Variants in CMKLR2 observed in about 807,000 individuals in gnomAD.
The protein encoded by CMKLR2 is chemerin chemokine-like receptor 2, also known as chemerin-like receptor 2.
In CMKLR2, 18 loss-of-function variants were observed where a neutral mutation model predicts 23.0. The observed-to-expected ratio is 0.78, with a 90% confidence interval of 0.54 to 1.16. The LOEUF is 1.16. CMKLR2 is among the 50% of genes most tolerant of loss of function. The probability of loss-of-function intolerance (pLI) is 0.00; values close to 1 mark genes in which losing one functional copy is unlikely to be tolerated. For missense variants in CMKLR2, 401 were observed against 412.7 expected, an observed-to-expected ratio of 0.97 and a Z score of 0.25; for synonymous variants, 158 against 158.9, an observed-to-expected ratio of 0.99 and a Z score of 0.05.
Position 206,213,157 on chromosome 2 carries a change from A to T in CMKLR2, c.-29+150T>A, listed in dbSNP as rs181448791. On this transcript the variant is annotated intron_variant, in intron 1 of 1. Coordinates refer to ENST00000621141, the MANE Select transcript of CMKLR2 (RefSeq NM_001389445.1). ...ACCAAAAATATGAATCTGCAGACAG[A>T]GCATTTTGTAAACGATCAGGAGTCC... 4 of 152,358 alleles carry T rather than the reference A, an allele frequency of 2.6e-5. No individual in the cohort carries two copies. The East Asian group carries it at 7.7e-4, about 29-fold the overall frequency. The allele number at this position is 152,358 out of a possible 1,614,324, so 9.4% of individuals were successfully genotyped here. A position where few individuals can be genotyped will look rare whatever the true frequency, so the allele number is the denominator to read the frequency against.
chr2:206,176,448 A>G lies in CMKLR2; in HGVS notation c.800T>C (p.Ile267Thr). The change falls in exon 2 of 2, where the codon ATT becomes ACT. Residue 267 changes from isoleucine (I) to threonine (T), a missense_variant. Ile to Thr is a moderately conservative substitution (Grantham distance 89). Coordinates refer to ENST00000621141, the MANE Select transcript of CMKLR2 (RefSeq NM_001389445.1). Reference protein sequence around the residue: ...VCWTPYHLFSIWELTIHHNSY... With the variant: ...VCWTPYHLFSTWELTIHHNSY... ...ATTGTGGTGAATGGTGAGCTCCCAAATGCTAAACAGGTGATAAGGAGTCCA... is the reference window on the plus strand; with the variant it reads ...ATTGTGGTGAATGGTGAGCTCCCAAGTGCTAAACAGGTGATAAGGAGTCCA... 1.2e-6 allele frequency: 2 copies of G among 1,614,208 alleles called. No individual in the cohort carries two copies. The highest frequency in any genetic ancestry group is 1.7e-6 in the Non-Finnish European group (2 of 1,180,024).
intron 1 of CMKLR2, among the ~76,000 whole-genome samples, chr2:206,183,944 G>A (rs1368731893): frequency 3.3e-5 from 5 of 152,184 alleles, no homozygotes; most frequent in African/African-American, 9.7e-5. Context: ...TCCTAGGGCT[G>A]CTGTAACAAA....
intron 1 of CMKLR2, among the ~76,000 whole-genome samples, chr2:206,207,845 C>T (rs892044378): frequency 1.4e-5 from 2 of 147,230 alleles, no homozygotes; most frequent in African/African-American, 2.5e-5. Flanking sequence ...TGGGTTCCAG[C>T]GATTCTTCTG....
intron 1 of CMKLR2, among the ~76,000 whole-genome samples, chr2:206,189,641 A>G (rs942041460): frequency 2.0e-5 from 3 of 149,572 alleles, no homozygotes; most frequent in African/African-American, 7.4e-5. Context: ...TCTAAAAAGA[A>G]AAAAAAAAAA....
Position 206,176,870 on chromosome 2 carries a change from A to G in CMKLR2, c.378T>C (p.Phe126=), listed in dbSNP as rs771108641. The change falls in exon 2 of 2, where the codon TTT becomes TTC. Residue 126 remains phenylalanine (F), a synonymous_variant. Transcript: ENST00000621141. ...GGTCCAGGCTGATCACTGTCAGGAA[A>G]AAAACACTGGCAAACATGTTCAACT... ...TAQLNMFASV[F]FLTVISLDHY... is the part of the protein sequence containing the mutation. 5.6e-6 allele frequency: 9 copies of G among 1,614,096 alleles called. No homozygotes were observed. The African/African-American group carries it at 1.1e-4, about 19-fold the overall frequency.
chr2:206,215,024 G>C (rs951620249), upstream of CMKLR2, among the ~76,000 whole-genome samples: 1 of 152,126 alleles, frequency 6.6e-6, no homozygotes, highest in Non-Finnish European at 1.5e-5. Context: ...GAGAAGCACA[G>C]GATTTTGTTT....
At chr2:206,191,673 T>C (rs945411064) in intron 1 of CMKLR2, among the ~76,000 whole-genome samples, 3 of 149,676 alleles carry the variant, frequency 2.0e-5, no homozygotes, top group African/African-American at 4.9e-5. Flanking sequence ...CTCTTTCTTT[T>C]TTTTTTTTTT....
In CMKLR2 at chr2:206,193,722, C is replaced by G. The variant is rs112611051; in HGVS notation, c.-28-16447G>C. 5.2e-3 allele frequency among the ~76,000 whole-genome samples: 791 copies of G among 152,232 alleles called. 7 individuals carry two copies. The highest frequency in any genetic ancestry group is 0.018 in the African/African-American group (754 of 41,528). On this transcript the variant is annotated intron_variant, in intron 1 of 1. Transcript: ENST00000621141. The stretch of plus-strand genomic sequence containing the variant: ...TAAAACTTCTCATAAATAGATATTA[C>G]CCATGGTTTAAATATTTTTTAAAGG...
intron 1 of CMKLR2, among the ~76,000 whole-genome samples, chr2:206,178,452 A>G (rs1029897939): frequency 3.9e-5 from 6 of 152,238 alleles, no homozygotes; most frequent in Admixed American, 6.5e-5. Context: ...TCAGAATTAT[A>G]TCAATATGGA....
chr2:206,192,306 ATTTTTTT>A (rs201719052), intron 1 of CMKLR2, among the ~76,000 whole-genome samples: 4 of 146,796 alleles, frequency 2.7e-5, no homozygotes, highest in East Asian at 2.0e-4. Context: ...AAATTTATTT[ATTTTTTT>A]TTTATTTTTT....
At position 206,176,927 on chromosome 2, in the gene CMKLR2, G is replaced by A; in HGVS notation, c.321C>T (p.Ile107=). ...TGAAGGAATTGGCTTTGCACAGCCA[G>A]ATGCCAAAGGGCCAGTGGAAATTCA... ...VAMNFHWPFG[I]WLCKANSFTA... The change falls in exon 2 of 2, where the codon ATC becomes ATT. Residue 107 remains isoleucine, a synonymous_variant. Transcript: ENST00000621141. 1 of 1,614,234 alleles carries A rather than the reference G, an allele frequency of 6.2e-7. No homozygotes were observed. Among genetic ancestry groups the A allele is most frequent in the Non-Finnish European group, 8.5e-7 (1 of 1,180,050 alleles).
intron 1 of CMKLR2, among the ~76,000 whole-genome samples, chr2:206,181,046 T>C (rs11683152): frequency 0.4 from 60,396 of 150,828 alleles, 12,688 homozygotes; most frequent in African/African-American, 0.54. Context: ...AGGCATAAGC[T>C]ACCATGCCCG....
At chr2:206,215,988 A>G (rs1256475818), upstream of CMKLR2, among the ~76,000 whole-genome samples, 2 of 152,196 alleles carry the variant, frequency 1.3e-5, no homozygotes, top group Non-Finnish European at 2.9e-5. Context: ...CCTTATTGGA[A>G]GAGATATTTA....
intron 1 of CMKLR2, among the ~76,000 whole-genome samples, chr2:206,205,427 A>G (rs1689274845): frequency 6.6e-6 from 1 of 152,148 alleles, no homozygotes; most frequent in African/African-American, 2.4e-5. Context: ...CACTAGCACA[A>G]TCATAGCTCA....
upstream of CMKLR2, chr2:206,213,500 A>G (rs939476439): frequency 6.6e-6 from 1 of 152,222 alleles, no homozygotes; most frequent in African/African-American, 2.4e-5. Flanking sequence ...ACCCCCCTCC[A>G]TAAAAATTCA....
chr2:206,201,175 C>T (rs997942838), intron 1 of CMKLR2, among the ~76,000 whole-genome samples: 3 of 152,122 alleles, frequency 2.0e-5, no homozygotes, highest in Non-Finnish European at 4.4e-5. Context: ...TGATCTCAAA[C>T]TTCTGACCTC....
At chr2:206,185,069 C>A (rs890826342) in intron 1 of CMKLR2, among the ~76,000 whole-genome samples, 2 of 152,088 alleles carry the variant, frequency 1.3e-5, no homozygotes, top group African/African-American at 2.4e-5. Context: ...CTCACTGCAA[C>A]CTTCACATCC....
intron 1 of CMKLR2, among the ~76,000 whole-genome samples, chr2:206,187,164 T>C (rs1352155190): frequency 2.0e-5 from 3 of 152,080 alleles, no homozygotes; most frequent in African/African-American, 7.2e-5. Flanking sequence ...CTGGCCAACA[T>C]GGGAAAACCC....
chr2:206,202,606 G>A (rs1431687211), intron 1 of CMKLR2, among the ~76,000 whole-genome samples: 1 of 152,030 alleles, frequency 6.6e-6, no homozygotes, highest in Non-Finnish European at 1.5e-5. Flanking sequence ...GGCTGCAGGC[G>A]CGCCACCACG....
Sources: allele counts gnomAD v4.1 joint callset (sites outside exome capture counted in the v4.1 genomes callset), GRCh38; gene constraint gnomAD v4.1.1; transcripts MANE v1.5; gene names NCBI Gene and HGNC (gene_info 2026-07-23, HGNC 2026-07-21).